Variants in RNGTT observed in about 807,000 individuals in gnomAD.
The protein encoded by RNGTT is RNA guanylyltransferase and 5'-phosphatase.
A neutral mutation model predicts 79.3 loss-of-function variants in RNGTT; 33 were observed. That is an observed-to-expected ratio of 0.42 (90% CI 0.32 to 0.56). RNGTT has a LOEUF of 0.56. RNGTT is among the 20% of genes least tolerant of loss of function. The pLI is 0.17. For missense variants in RNGTT, 497 were observed against 739.1 expected (o/e 0.67, Z 3.80); for synonymous variants, 222 against 235.9 (o/e 0.94, Z 0.54).
intron 1 of RNGTT, 99 bp from the exon 2 acceptor site, chr6:88,941,279 T>C (rs1784838512): frequency 5.1e-6 from 4 of 787,696 alleles, no homozygotes; most frequent in Non-Finnish European, 8.3e-6. Flanking sequence ...TTAAAACCTT[T>C]TTTTTTGAGA....
chr6:88,878,977 T>A (rs1476976490), intron 8 of RNGTT, among the ~76,000 whole-genome samples: 1 of 152,198 alleles, frequency 6.6e-6, no homozygotes, highest in Non-Finnish European at 1.5e-5. Flanking sequence ...ATCCACACTA[T>A]ACCTGTCTGA....
chr6:88,716,791 G>A (rs1410834599), intron 13 of RNGTT, among the ~76,000 whole-genome samples: 1 of 152,112 alleles, frequency 6.6e-6, no homozygotes, highest in Non-Finnish European at 1.5e-5. Context: ...CACAGGAAGG[G>A]GAACATCACA....
intron 2 of RNGTT, among the ~76,000 whole-genome samples, chr6:88,934,637 G>A (rs767513441): frequency 2.6e-5 from 4 of 151,972 alleles, no homozygotes; most frequent in Non-Finnish European, 5.9e-5. Flanking sequence ...TTGCTGTGCA[G>A]AAGCTTTTTT....
chr6:88,729,093 T>C (rs1195838870), intron 13 of RNGTT, among the ~76,000 whole-genome samples: 3 of 152,156 alleles, frequency 2.0e-5, no homozygotes, highest in East Asian at 1.9e-4. Context: ...TATGTCAAAG[T>C]CCGACACCCT....
In RNGTT at chr6:88,669,536, C is replaced by T. The variant is rs141926661; in HGVS notation, c.1506+8817G>A. Among the ~76,000 whole-genome samples the T allele has an allele frequency of 3.1e-3, 476 of 152,324 alleles. 4 individuals are homozygous for T. Among genetic ancestry groups the T allele is most frequent in the East Asian group, 7.9e-3 (41 of 5,190 alleles). On this transcript the variant is annotated intron_variant, in intron 14 of 15. Coordinates refer to ENST00000369485, the MANE Select transcript of RNGTT (RefSeq NM_003800.5). ...ATTGCCTAGGGCAAAAGCTGTATAA[C>T]GGCACAAGAAGAACAGTCACCTGGT...
At position 88,890,797 on chromosome 6, in the gene RNGTT, C is replaced by CA. The variant is rs539981011; in HGVS notation, c.795-202dup. On this transcript the variant is annotated intron_variant, in intron 7 of 15. Coordinates refer to ENST00000369485, the MANE Select transcript of RNGTT (RefSeq NM_003800.5). ...CTTGACATTTTAGAATGCAAGTTAA[C>CA]AGAGTTCTAAATTACCACTGCTATG... 1.2e-3 allele frequency among the ~76,000 whole-genome samples: 183 copies of CA among 152,234 alleles called. 4 individuals carry two copies. The highest frequency in any genetic ancestry group is 4.2e-3 in the African/African-American group (174 of 41,542).
rs961452508 is a variant in RNGTT, at chr6:88,704,400, G to A, written c.1440-25981C>T. Among the ~76,000 whole-genome samples the A allele has an allele frequency of 2.3e-4, 35 of 151,510 alleles. 1 individual carries two copies. Among genetic ancestry groups the A allele is most frequent in the Admixed American group, 2.3e-3 (35 of 15,180 alleles). On this transcript the variant is annotated intron_variant, in intron 13 of 15. Transcript: ENST00000369485. Reference sequence around the variant, plus strand: ...GCCCATAACAAGCCAAACAATAAAAGGTATGTCATGCAACTATTAATAATC... The same window carrying A: ...GCCCATAACAAGCCAAACAATAAAAAGTATGTCATGCAACTATTAATAATC...
chr6:88,705,218 A>G (rs1273881092), intron 13 of RNGTT, among the ~76,000 whole-genome samples: 1 of 152,184 alleles, frequency 6.6e-6, no homozygotes, highest in Non-Finnish European at 1.5e-5. Flanking sequence ...CAAGCCTCTA[A>G]GCATAGTGTG....
chr6:88,735,257 G>C lies in RNGTT; in HGVS notation c.1439+34517C>G, dbSNP rs377312899. 6.6e-5 allele frequency among the ~76,000 whole-genome samples: 10 copies of C among 152,198 alleles called. No homozygotes were observed. In the East Asian group the frequency reaches 1.9e-3, roughly 29 times the overall value. On this transcript the variant is annotated intron_variant, in intron 13 of 15. Transcript: ENST00000369485. ...TAGAAATCTCAACATCCCCTTTTTA[G>C]TAACTGATAGATCTAACAGGCAGGA... is the stretch of plus-strand genomic sequence containing the variant.
chr6:88,758,015 T>G (rs1778077741), intron 13 of RNGTT, among the ~76,000 whole-genome samples: 1 of 152,192 alleles, frequency 6.6e-6, no homozygotes, highest in South Asian at 2.1e-4. Flanking sequence ...TTTAAGTGAT[T>G]TAAAAGATTT....
Position 88,849,758 on chromosome 6 carries a change from G to T in RNGTT, c.1101C>A (p.Phe367Leu). Residue 367 changes from phenylalanine to leucine, a missense_variant, in exon 10 of 16, where the codon TTC (phenylalanine) becomes TTA (leucine). Physicochemically the swap from Phe to Leu is conservative, Grantham distance 22. Around this residue, in one of 3 missense-constraint regions of RNGTT, gnomAD observed 440 missense variants for 671.5 expected, o/e 0.66. Transcript: ENST00000369485. ...PRYLIYDIIK[F>L]NSQPVGDCDF... ...TTTATAAATTATAGGTACTTACATT[G>T]AATTTAATTATGTCATATATCAAAT... 2 of 1,533,082 alleles carry T rather than the reference G, an allele frequency of 1.3e-6. No homozygotes were observed. The highest frequency in any genetic ancestry group is 1.3e-5 in the South Asian group (1 of 77,724). The allele number at this position is 1,533,082 out of a possible 1,614,324, so 95.0% of individuals were successfully genotyped here.
chr6:88,936,409 C>T (rs926879973), intron 2 of RNGTT, among the ~76,000 whole-genome samples: 3 of 152,206 alleles, frequency 2.0e-5, no homozygotes, highest in Admixed American at 2.0e-4. Context: ...CTAGATAGTA[C>T]TTCCAATACC....
At chr6:88,728,484 T>C (rs73496464) in intron 13 of RNGTT, among the ~76,000 whole-genome samples, 3,904 of 152,322 alleles carry the variant, frequency 0.026, 181 homozygotes, top group African/African-American at 0.087. Flanking sequence ...AGAGCAAGAA[T>C]AGACTGCTCC....
chr6:88,890,467 G>T, intron 8 of RNGTT, 28 bp downstream of exon 8: 2 of 1,379,244 alleles, frequency 1.5e-6, no homozygotes, highest in Non-Finnish European at 2.1e-6. Context: ...AGGGTTATTT[G>T]TGTAATTTTT....
chr6:88,673,298 T>C (rs1774727861), intron 14 of RNGTT, among the ~76,000 whole-genome samples: 1 of 152,238 alleles, frequency 6.6e-6, no homozygotes, highest in South Asian at 2.1e-4. Flanking sequence ...ATCTCATATT[T>C]ATGACACAAC....
chr6:88,704,428 C>T (rs1776062941), intron 13 of RNGTT, among the ~76,000 whole-genome samples: 1 of 152,096 alleles, frequency 6.6e-6, no homozygotes, highest in African/African-American at 2.4e-5. Flanking sequence ...TAATAATCTT[C>T]TCTTTTTCCT....
rs141327934 is a variant in RNGTT at position 88,916,356 on chromosome 6, C to T, written c.368-9916G>A. ...TGCATGGTGGTGTGTGCCTGTAGTCCCAGCTACTAAAGAGGCTGAGAGGAG... is the reference window on the plus strand; with the variant it reads ...TGCATGGTGGTGTGTGCCTGTAGTCTCAGCTACTAAAGAGGCTGAGAGGAG... On this transcript the variant is annotated intron_variant, in intron 4 of 15. Transcript: ENST00000369485. Among the ~76,000 whole-genome samples the T allele has an allele frequency of 9.1e-3, 1,381 of 152,148 alleles. 20 individuals are homozygous for T. The highest frequency in any genetic ancestry group is 0.02 in the African/African-American group (846 of 41,510).
intron 13 of RNGTT, among the ~76,000 whole-genome samples, chr6:88,740,895 T>A (rs1040987403): frequency 2.0e-5 from 3 of 152,096 alleles, no homozygotes; most frequent in African/African-American, 7.2e-5. Context: ...AGTAAAATTT[T>A]TAAAAAAAAG....
At chr6:88,920,788 T>C (rs1562029732) in intron 4 of RNGTT, among the ~76,000 whole-genome samples, 1 of 152,216 alleles carries the variant, frequency 6.6e-6, no homozygotes, top group South Asian at 2.1e-4. Flanking sequence ...TTGTTATAAA[T>C]TGTGCAGTTG....
Sources: gnomAD v4.1 joint callset for allele counts (sites outside exome capture counted in the v4.1 genomes callset) on GRCh38, gnomAD v4.1.1 for gene constraint, gnomAD v4.1.1 regional missense constraint, MANE v1.5 for transcripts, NCBI Gene and HGNC (gene_info 2026-07-23, HGNC 2026-07-21) for gene names.